The following ENAH variants were observed in gnomAD, a reference collection of about 807,000 sequenced individuals.
The protein encoded by ENAH is protein enabled homolog.
ENAH carries 23 observed loss-of-function variants against 78.7 expected under a neutral mutation model. The ratio of observed to expected loss-of-function variants is 0.29; its 90% CI spans 0.21 to 0.41. The LOEUF is 0.41. Among genes scored for constraint, ENAH ranks in the 10% least tolerant of loss-of-function variants. ENAH has a pLI of 1.00. For missense variants in ENAH, 544 were observed against 691.0 expected (o/e 0.79, Z 2.39); for synonymous variants, 226 against 241.0 (o/e 0.94, Z 0.58).
chr1:225,586,979 G>A (rs535417181), intron 1 of ENAH, among the ~76,000 whole-genome samples: 2 of 152,162 alleles, frequency 1.3e-5, no homozygotes, highest in South Asian at 4.1e-4. Context: ...GACAGAAAAA[G>A]CAGGGATAAA....
chr1:225,603,031 CA>C (rs1429291569), intron 1 of ENAH, among the ~76,000 whole-genome samples: 2 of 151,280 alleles, frequency 1.3e-5, no homozygotes, highest in Non-Finnish European at 2.9e-5. Flanking sequence ...GAAGTATAGC[CA>C]ACAGTAAGAG....
intron 1 of ENAH, among the ~76,000 whole-genome samples, chr1:225,626,942 A>G (rs939605216): frequency 1.3e-5 from 2 of 152,218 alleles, no homozygotes; most frequent in African/African-American, 4.8e-5. Flanking sequence ...ACTGAGAAAG[A>G]GGAATGGTAT....
Position 225,489,968 on chromosome 1 carries a change from A to G in ENAH, c.*7807T>C, listed in dbSNP as rs1347175049. 1.3e-5 allele frequency: 2 copies of G among 152,158 alleles called. No homozygotes were observed. The highest frequency in any genetic ancestry group is 1.3e-4 in the Admixed American group (2 of 15,270). The allele number at this position is 152,158 out of a possible 1,614,324, so 9.4% of individuals were successfully genotyped here. A position where few individuals can be genotyped will look rare whatever the true frequency, so the allele number is the denominator to read the frequency against. Reference sequence around the variant, plus strand: ...TCTCGAAATAATAATAATAACAATAATAATAAAAAGCTTTATCTATCCTTG... The same window carrying G: ...TCTCGAAATAATAATAATAACAATAGTAATAAAAAGCTTTATCTATCCTTG... On this transcript the variant is annotated 3_prime_UTR_variant, in exon 14 of 14. Transcript: ENST00000366843.
rs2657567 is a variant in ENAH, at chr1:225,611,553, G to A, written c.5+41133C>T. On this transcript the variant is annotated intron_variant, in intron 1 of 13. Transcript: ENST00000366843. Reference sequence around the variant, plus strand: ...AGGCTGGTCTTGAACTACTGACCTCGGGTGATCCACCTGCCTCGAGCCTCC... The same window carrying A: ...AGGCTGGTCTTGAACTACTGACCTCAGGTGATCCACCTGCCTCGAGCCTCC... Among the ~76,000 whole-genome samples, 770 of 152,094 alleles carry A rather than the reference G, an allele frequency of 5.1e-3. 6 individuals are homozygous for A. The highest frequency in any genetic ancestry group is 0.018 in the African/African-American group (741 of 41,488).
At chr1:225,544,609 T>G (rs2096604645) in intron 3 of ENAH, among the ~76,000 whole-genome samples, 1 of 152,164 alleles carries the variant, frequency 6.6e-6, no homozygotes, top group African/African-American at 2.4e-5. Flanking sequence ...ATTTAATCAT[T>G]CCCACCTTGG....
intron 1 of ENAH, among the ~76,000 whole-genome samples, chr1:225,586,254 A>AG (rs1343416311): frequency 2.0e-5 from 3 of 150,620 alleles, no homozygotes; most frequent in Admixed American, 6.6e-5. Context: ...AAAAAAAAAA[A>AG]AAAAGGAAGA....
chr1:225,611,472 C>T (rs955461408), intron 1 of ENAH, among the ~76,000 whole-genome samples: 1 of 152,114 alleles, frequency 6.6e-6, no homozygotes, highest in Non-Finnish European at 1.5e-5. Flanking sequence ...GCGTGCATCA[C>T]CACGCCCAGC....
chr1:225,522,534 G>A (rs1289296285), intron 4 of ENAH, among the ~76,000 whole-genome samples: 1 of 152,178 alleles, frequency 6.6e-6, no homozygotes, highest in African/African-American at 2.4e-5. Context: ...AGCTGCCAAA[G>A]TTTTTGAGGG....
At chr1:225,591,572 C>T (rs796117413) in intron 1 of ENAH, among the ~76,000 whole-genome samples, 1 of 151,408 alleles carries the variant, frequency 6.6e-6, no homozygotes, top group African/African-American at 2.4e-5. Flanking sequence ...CAAGACCATC[C>T]TGGCCAACAT....
At chr1:225,611,062 G>C (rs1317400364) in intron 1 of ENAH, among the ~76,000 whole-genome samples, 1 of 152,174 alleles carries the variant, frequency 6.6e-6, no homozygotes, top group Non-Finnish European at 1.5e-5. Context: ...GGGTCAGGTG[G>C]GGTTACTCTT....
At chr1:225,605,287 T>C (rs1350407511) in intron 1 of ENAH, among the ~76,000 whole-genome samples, 1 of 152,146 alleles carries the variant, frequency 6.6e-6, no homozygotes, top group African/African-American at 2.4e-5. Context: ...AAACACTACT[T>C]TGGGGAGTGG....
intron 2 of ENAH, among the ~76,000 whole-genome samples, chr1:225,556,191 T>C (rs2096665988): frequency 6.6e-6 from 1 of 152,252 alleles, no homozygotes; most frequent in African/African-American, 2.4e-5. Context: ...GCATGTCTTT[T>C]GGTACAAACA....
At position 225,650,848 on chromosome 1, in the gene ENAH, TA is replaced by T. The variant is rs746549168; in HGVS notation, c.5+1837del. 7.5e-3 allele frequency among the ~76,000 whole-genome samples: 439 copies of T among 58,920 alleles called. 2 individuals carry two copies. The highest frequency in any genetic ancestry group is 0.016 in the African/African-American group (213 of 13,644). The allele number at this position is 58,920 out of a possible 152,430, so 38.7% of individuals were successfully genotyped here. A position where few individuals can be genotyped will look rare whatever the true frequency, so the allele number is the denominator to read the frequency against. ...CTGGGCAAGAGAGCAAGACTGCATT[TA>T]AAAAAAAAAAAAAAAAAAAAAAAAA... On this transcript the variant is annotated intron_variant, in intron 1 of 13. Coordinates refer to ENST00000366843, the MANE Select transcript of ENAH (RefSeq NM_018212.6).
At chr1:225,649,490 C>A (rs1179088113) in intron 1 of ENAH, among the ~76,000 whole-genome samples, 1 of 152,000 alleles carries the variant, frequency 6.6e-6, no homozygotes, top group Non-Finnish European at 1.5e-5. Context: ...CAAACGCATT[C>A]ACATACATAC....
In ENAH at chr1:225,595,264, C is replaced by T. The variant is rs373221252; in HGVS notation, c.6-27850G>A. ...AGGAGAATCGCTTGAACACGGGAGG[C>T]GGAGGTTGCAGTGAGCTGAGATTAC... On this transcript the variant is annotated intron_variant, in intron 1 of 13. Transcript: ENST00000366843. Among the ~76,000 whole-genome samples the T allele has an allele frequency of 3.9e-4, 59 of 151,592 alleles. 2 individuals carry two copies. The South Asian group carries it at 0.012, about 30-fold the overall frequency.
chr1:225,533,467 T>C (rs1227476479), intron 3 of ENAH, among the ~76,000 whole-genome samples: 2 of 152,108 alleles, frequency 1.3e-5, no homozygotes, highest in Admixed American at 6.6e-5. Flanking sequence ...TAACAGCCCT[T>C]TGGGGAGGGG....
At chr1:225,603,518 C>G (rs1325038998) in intron 1 of ENAH, among the ~76,000 whole-genome samples, 1 of 151,960 alleles carries the variant, frequency 6.6e-6, no homozygotes, top group Non-Finnish European at 1.5e-5. Flanking sequence ...TCTCTTTCTC[C>G]AAAACTAAGC....
At chr1:225,569,412 C>T (rs1015291162) in intron 1 of ENAH, among the ~76,000 whole-genome samples, 1 of 152,142 alleles carries the variant, frequency 6.6e-6, no homozygotes, top group Non-Finnish European at 1.5e-5. Context: ...CAACATGGCA[C>T]ACGTATACCT....
chr1:225,632,915 C>G (rs1003215586), intron 1 of ENAH, among the ~76,000 whole-genome samples: 1 of 152,210 alleles, frequency 6.6e-6, no homozygotes, highest in African/African-American at 2.4e-5. Flanking sequence ...CCACTACTTA[C>G]TAACCATGCA....
Sources: gnomAD v4.1 joint callset for allele counts (sites outside exome capture counted in the v4.1 genomes callset) on GRCh38, gnomAD v4.1.1 for gene constraint, MANE v1.5 for transcripts, NCBI Gene and HGNC (gene_info 2026-07-23, HGNC 2026-07-21) for gene names.